Variants in MYO1D observed in about 807,000 individuals in gnomAD.
MYO1D encodes the protein myosin ID.
MYO1D carries 83 observed loss-of-function variants against 122.0 expected under a neutral mutation model. The ratio of observed to expected loss-of-function variants is 0.68; its 90% confidence interval spans 0.57 to 0.82. The LOEUF (loss-of-function observed/expected upper bound fraction) is 0.82. MYO1D is among the 40% of genes least tolerant of loss of function. The probability of loss-of-function intolerance (pLI) is 0.00; values close to 1 mark genes in which losing one functional copy is unlikely to be tolerated. For missense variants in MYO1D, 1,157 were observed against 1,269.5 expected, an observed-to-expected ratio of 0.91 and a Z score of 1.35; for synonymous variants, 464 against 446.9, an observed-to-expected ratio of 1.04 and a Z score of -0.48.
At chr17:32,682,717 AT>A (rs1567946727) in intron 16 of MYO1D, among the ~76,000 whole-genome samples, 1 of 117,420 alleles carries the variant, frequency 8.5e-6, no homozygotes, top group East Asian at 2.8e-4. Context: ...GAATCTGACA[AT>A]TACGTGTCTT....
chr17:32,553,112 A>AC (rs956871994), intron 21 of MYO1D, among the ~76,000 whole-genome samples: 1 of 151,718 alleles, frequency 6.6e-6, no homozygotes, highest in Non-Finnish European at 1.5e-5. Flanking sequence ...ACAAAAAAAA[A>AC]AACAAAAAAA....
intron 16 of MYO1D, among the ~76,000 whole-genome samples, chr17:32,669,533 T>A (rs540212084): frequency 7.2e-5 from 11 of 152,340 alleles, no homozygotes; most frequent in Non-Finnish European, 1.3e-4. Flanking sequence ...TTCCTGTGCA[T>A]ATAAAATCCT....
At chr17:32,715,111 G>C (rs944681710) in intron 15 of MYO1D, among the ~76,000 whole-genome samples, 2 of 152,138 alleles carry the variant, frequency 1.3e-5, no homozygotes, top group African/African-American at 4.8e-5. Context: ...ACCACAATGA[G>C]ATAACATCTC....
intron 21 of MYO1D, chr17:32,497,619 A>C (rs1457017165): frequency 6.6e-6 from 1 of 152,290 alleles, no homozygotes; most frequent in African/African-American, 2.4e-5. Context: ...GGTCCTGTGG[A>C]GTACTTGCTG....
intron 14 of MYO1D, among the ~76,000 whole-genome samples, chr17:32,728,496 G>A (rs149072578): frequency 3.9e-5 from 6 of 152,162 alleles, no homozygotes; most frequent in African/African-American, 7.2e-5. Flanking sequence ...ATGAGCCACC[G>A]CGCCCGGCTG....
At chr17:32,703,698 G>A (rs321176) in intron 16 of MYO1D, among the ~76,000 whole-genome samples, 79,533 of 151,990 alleles carry the variant, frequency 0.52, 21,493 homozygotes, top group East Asian at 0.73. Context: ...TTCCTCTTCC[G>A]AGACAACAAA....
chr17:32,527,636 T>G lies in MYO1D; in HGVS notation c.2865-32721A>C, dbSNP rs182454708. ...AGTGAGACCCCGTCTATACTAAAAA[T>G]AAGATAAAAAAAATAGCTGGGTATG... On this transcript the variant is annotated intron_variant, in intron 21 of 21. Coordinates refer to ENST00000318217, the MANE Select transcript of MYO1D (RefSeq NM_015194.3). 7.7e-5 allele frequency among the ~76,000 whole-genome samples: 11 copies of G among 143,108 alleles called. No individual in the cohort carries two copies. In the East Asian group the frequency reaches 2.8e-3, roughly 37 times the overall value. 93.9% of individuals were successfully genotyped at this position (143,108 alleles called of 152,430 possible).
rs143846970 is a variant in MYO1D, at chr17:32,670,927, A to C, written c.2122-11589T>G. ...CTTCTTGGATGCAGGACAAGAGCTT[A>C]GGACCAGATATTCAGAAAGGCTGTA... On this transcript the variant is annotated intron_variant, in intron 16 of 21. Coordinates refer to ENST00000318217, the MANE Select transcript of MYO1D (RefSeq NM_015194.3). Among the ~76,000 whole-genome samples the C allele has an allele frequency of 4.6e-5, 7 of 152,316 alleles. No individual in the cohort carries two copies. In the East Asian group the frequency reaches 1.4e-3, roughly 29 times the overall value.
chr17:32,700,008 T>C (rs9916355), intron 16 of MYO1D, among the ~76,000 whole-genome samples: 5,271 of 152,004 alleles, frequency 0.035, 305 homozygotes, highest in African/African-American at 0.12. Context: ...ATTAGAAAAG[T>C]AAAGAAAATA....
chr17:32,840,320 T>C (rs569627575), intron 1 of MYO1D, among the ~76,000 whole-genome samples: 4 of 152,242 alleles, frequency 2.6e-5, no homozygotes, highest in African/African-American at 9.6e-5. Flanking sequence ...CCAAGATAAT[T>C]AGAACCAGAT....
intron 16 of MYO1D, among the ~76,000 whole-genome samples, chr17:32,673,765 T>C (rs1183691214): frequency 2.6e-5 from 4 of 152,250 alleles, no homozygotes; most frequent in Admixed American, 6.5e-5. Context: ...CTTTTGCATA[T>C]AGGCCCAATG....
chr17:32,630,724 C>T (rs2087993313), intron 20 of MYO1D, among the ~76,000 whole-genome samples: 1 of 152,036 alleles, frequency 6.6e-6, no homozygotes, highest in Admixed American at 6.6e-5. Flanking sequence ...AGGTGCCTGC[C>T]GCCACATCTG....
At chr17:32,626,855 G>T (rs181242383) in intron 20 of MYO1D, among the ~76,000 whole-genome samples, 1 of 152,088 alleles carries the variant, frequency 6.6e-6, no homozygotes, top group East Asian at 1.9e-4. Flanking sequence ...ATTTTAAAAC[G>T]ACGTGGCTCA....
intron 16 of MYO1D, among the ~76,000 whole-genome samples, chr17:32,671,462 A>T (rs77313775): frequency 6.6e-6 from 1 of 152,374 alleles, no homozygotes; most frequent in East Asian, 1.9e-4. Context: ...GGCGAAAGGC[A>T]TAAGAATTCT....
chr17:32,558,671 C>T (rs868768595), intron 21 of MYO1D, among the ~76,000 whole-genome samples: 2 of 152,206 alleles, frequency 1.3e-5, no homozygotes, highest in East Asian at 3.8e-4. Flanking sequence ...GTCATTAACA[C>T]GCTCCGTCTC....
chr17:32,802,943 T>G (rs557490500), intron 1 of MYO1D, among the ~76,000 whole-genome samples: 1 of 152,236 alleles, frequency 6.6e-6, no homozygotes, highest in South Asian at 2.1e-4. Context: ...GGTGGCCAAA[T>G]CGCACTATTA....
At chr17:32,636,434 A>G (rs1207075424) in intron 20 of MYO1D, among the ~76,000 whole-genome samples, 1 of 152,238 alleles carries the variant, frequency 6.6e-6, no homozygotes, top group Non-Finnish European at 1.5e-5. Flanking sequence ...TCATGTCCCT[A>G]TCATCCACAC....
At chr17:32,631,056 T>C (rs2087998883) in intron 20 of MYO1D, among the ~76,000 whole-genome samples, 1 of 152,150 alleles carries the variant, frequency 6.6e-6, no homozygotes, top group Non-Finnish European at 1.5e-5. Context: ...AAAGACCCCA[T>C]CTCCAAATAC....
chr17:32,524,547 A>G (rs1339576937), intron 21 of MYO1D, among the ~76,000 whole-genome samples: 1 of 149,436 alleles, frequency 6.7e-6, no homozygotes, highest in East Asian at 1.9e-4. Flanking sequence ...GGTGGGTGCC[A>G]TCATGCCTGA....
Sources: allele counts gnomAD v4.1 joint callset (sites outside exome capture counted in the v4.1 genomes callset), GRCh38; gene constraint gnomAD v4.1.1; transcripts MANE v1.5; gene names NCBI Gene and HGNC (gene_info 2026-07-23, HGNC 2026-07-21).